Variants in ZNF846 observed in about 807,000 individuals in gnomAD.
The protein encoded by ZNF846 is zinc finger protein 420 pseudogene.
In ZNF846, 15 loss-of-function variants were observed where a neutral mutation model predicts 16.0. That is an observed-to-expected ratio of 0.94 (90% confidence interval 0.63 to 1.45). The LOEUF is 1.45. Among genes scored for constraint, ZNF846 ranks in the 40% most tolerant of loss-of-function variants. ZNF846 has a pLI of 0.00. For synonymous variants in ZNF846, 229 were observed against 212.0 expected (o/e 1.08, Z -0.70); for missense variants, 714 against 622.3 (o/e 1.15, Z -1.57).
chr19:9,775,289 G>A (rs1241678545), intron 1 of ZNF846, among the ~76,000 whole-genome samples: 3 of 151,814 alleles, frequency 2.0e-5, no homozygotes. Flanking sequence ...AAGTTCACAT[G>A]GGAGCACAAA....
chr19:9,760,011 G>A (rs2045198530), intron 4 of ZNF846, 69 bp from the exon 5 acceptor site: 2 of 1,219,884 alleles, frequency 1.6e-6, no homozygotes, highest in Middle Eastern at 2.3e-4. Context: ...AGCCTATGGG[G>A]CTGGGCGTGG....
chr19:9,764,806 T>A (rs2045288337), intron 2 of ZNF846, 130 bp downstream of exon 2: 2 of 1,108,822 alleles, frequency 1.8e-6, no homozygotes, highest in Admixed American at 3.6e-5. Context: ...CTAGAGAAAT[T>A]CACCTGGGGA....
At chr19:9,761,692 C>A (rs1325768611) in intron 4 of ZNF846, among the ~76,000 whole-genome samples, 7 of 147,974 alleles carry the variant, frequency 4.7e-5, no homozygotes, top group African/African-American at 1.8e-4. Flanking sequence ...GCCAGGGCGA[C>A]AGTGCAAGAC....
chr19:9,769,216 C>G (rs1163491379), upstream of ZNF846, among the ~76,000 whole-genome samples: 1 of 152,046 alleles, frequency 6.6e-6, no homozygotes, highest in African/African-American at 2.4e-5. Context: ...TCCGGAGTAG[C>G]TTGGACCACA....
rs565815488 is a variant in ZNF846, at chr19:9,766,447, C to T, written c.-85-1412G>A. Among the ~76,000 whole-genome samples the T allele has an allele frequency of 2.7e-5, 4 of 149,502 alleles. No homozygotes were observed. The East Asian group carries it at 8.0e-4, about 30-fold the overall frequency. On this transcript the variant is annotated intron_variant, in intron 1 of 5. Transcript: ENST00000397902. Reference sequence around the variant, plus strand: ...AAAAAAAAGCCACAGAAATATGCCACAATTCACCCATTCTGTGGATCCACA... The same window carrying T: ...AAAAAAAAGCCACAGAAATATGCCATAATTCACCCATTCTGTGGATCCACA...
chr19:9,770,820 G>A (rs147011216), upstream of ZNF846, among the ~76,000 whole-genome samples: 1,095 of 152,134 alleles, frequency 7.2e-3, 17 homozygotes, highest in African/African-American at 0.025. Context: ...AGTGAGCTGA[G>A]ATGGCGCCAC....
chr19:9,758,263 G>A (rs1177012095), exon 6 of ZNF846: 1 of 1,613,278 alleles, frequency 6.2e-7, no homozygotes, highest in Admixed American at 1.7e-5. Flanking sequence ...GTTCTGATGT[G>A]TAATTTAAGT....
chr19:9,762,344 A>G (rs1455933103), intron 3 of ZNF846, 176 bp from the exon 4 acceptor site: 2 of 563,974 alleles, frequency 3.5e-6, no homozygotes, highest in African/African-American at 3.8e-5. Context: ...TTTTTAAAAT[A>G]ACAAAAATGT....
chr19:9,768,121 A>G (rs1192862684), intron 1 of ZNF846, among the ~76,000 whole-genome samples, 168 bp downstream of exon 1: 2 of 152,200 alleles, frequency 1.3e-5, no homozygotes, highest in Non-Finnish European at 2.9e-5. Context: ...TCAAAAACAC[A>G]GCGGAGTATT....
rs760576550 is a variant in ZNF846, at chr19:9,758,301, C to T, written c.776G>A (p.Cys259Tyr). 12 of 1,613,432 alleles carry T rather than the reference C, an allele frequency of 7.4e-6. No homozygotes were observed. In the Admixed American group the frequency reaches 1.5e-4, roughly 20 times the overall value. Residue 259 changes from cysteine (C) to tyrosine (Y), a missense_variant, in exon 6 of 6, where the codon TGT (cysteine) becomes TAT (tyrosine). Coordinates refer to ENST00000397902, the Ensembl canonical transcript of ZNF846. ...TGTGGATTGAGTGAAAGCTTTACCA[C>T]ATTCTTTACAGACATAGGGCTTCTC...
chr19:9,755,799 C>CAAAAAAAAA (rs538572391), downstream of ZNF846, among the ~76,000 whole-genome samples: 1 of 24,696 alleles, frequency 4.0e-5, no homozygotes, highest in African/African-American at 1.1e-4. Flanking sequence ...GACTCCGTCT[C>CAAAAAAAAA]AAAAAAAAAA....
At chr19:9,758,519 A>G (rs372946955) in exon 6 of ZNF846, 100 of 1,613,362 alleles carry the variant, frequency 6.2e-5, no homozygotes, top group Non-Finnish European at 8.2e-5. Context: ...TATTCTGCCT[A>G]GTAAGATTTG....
In ZNF846 at chr19:9,774,941, G is replaced by T; in HGVS notation, c.-85-9906C>A. The T allele has an allele frequency of 2.5e-6, 4 of 1,609,410 alleles. 1 individual carries two copies. In the South Asian group the frequency reaches 4.4e-5, roughly 18 times the overall value. ...TGAAGAGTTTACAAAGAAATATGGG[G>T]AAAGTGACCTGTGGACTAAAATCTG... On this transcript the variant is annotated intron_variant, in intron 1 of 4. Transcript: ENST00000586814.
At chr19:9,756,511 T>C (rs947822432), downstream of ZNF846, 17 of 151,104 alleles carry the variant, frequency 1.1e-4, 2 homozygotes, top group African/African-American at 4.2e-4. Context: ...CTCCAACGCA[T>C]GTTGACTGAC....
intron 1 of ZNF846, among the ~76,000 whole-genome samples, chr19:9,780,724 C>T (rs1006685438): frequency 2.0e-5 from 3 of 152,082 alleles, no homozygotes; most frequent in Admixed American, 6.5e-5. Flanking sequence ...GCTGGGATTA[C>T]AGGTGTGAGC....
At chr19:9,783,538 A>ATATATATATAT (rs1214845852) in intron 1 of ZNF846, among the ~76,000 whole-genome samples, 53 of 115,412 alleles carry the variant, frequency 4.6e-4, no homozygotes, top group Admixed American at 1.2e-3. Context: ...AAAAAAAAAA[A>ATATATATATAT]AAAAAAATAT....
At chr19:9,778,497 A>G (rs1371759650) in intron 1 of ZNF846, among the ~76,000 whole-genome samples, 1 of 152,152 alleles carries the variant, frequency 6.6e-6, no homozygotes, top group Non-Finnish European at 1.5e-5. Context: ...GGTGACAGAA[A>G]AACAAGCTAA....
intron 1 of ZNF846, among the ~76,000 whole-genome samples, chr19:9,779,874 T>C (rs1041049295): frequency 6.7e-6 from 1 of 149,598 alleles, no homozygotes; most frequent in Admixed American, 6.7e-5. Flanking sequence ...CGCCCGGCCA[T>C]CACGACTTTT....
intron 1 of ZNF846, among the ~76,000 whole-genome samples, chr19:9,777,865 C>T (rs2045463219): frequency 6.6e-6 from 1 of 152,064 alleles, no homozygotes; most frequent in South Asian, 2.1e-4. Context: ...CAGACTAAAA[C>T]TTGAGTTTGA....
Sources: gnomAD v4.1 joint callset for allele counts (sites outside exome capture counted in the v4.1 genomes callset) on GRCh38, gnomAD v4.1.1 for gene constraint, MANE v1.5 for transcripts, NCBI Gene and HGNC (gene_info 2026-07-23, HGNC 2026-07-21) for gene names.